Variants in KLK15 observed in about 807,000 individuals in gnomAD.
The protein encoded by KLK15 is kallikrein related peptidase 15, also known as kallikrein-15.
Under a neutral mutation model 21.1 loss-of-function variants are expected in KLK15, and 19 were observed. The ratio of observed to expected loss-of-function variants is 0.90; its 90% CI spans 0.63 to 1.32. The LOEUF (loss-of-function observed/expected upper bound fraction) is 1.32, where lower values mean the gene tolerates loss of function less well. Ranked by LOEUF, KLK15 falls within the 40% of genes most tolerant of loss-of-function variation. The pLI is 0.00. For missense variants in KLK15, 345 were observed against 348.6 expected (o/e 0.99, Z 0.08); for synonymous variants, 141 against 141.5 (o/e 1.00, Z 0.03).
chr19:50,831,958 C>T (rs1419593069), upstream of KLK15, among the ~76,000 whole-genome samples: 1 of 151,938 alleles, frequency 6.6e-6, no homozygotes, highest in Non-Finnish European at 1.5e-5. Flanking sequence ...ACTACAGGCG[C>T]CCACCACCGT....
At chr19:50,827,942 T>TA in intron 1 of KLK15, 127 bp from the exon 3 acceptor site, 2 of 701,348 alleles carry the variant, frequency 2.9e-6, no homozygotes, top group Non-Finnish European at 4.1e-6. Flanking sequence ...CACCCTGCCC[T>TA]GTTTTTGTTT....
intron 4 of KLK15, chr19:50,826,410 A>C: frequency 1.9e-6 from 1 of 529,050 alleles, no homozygotes; most frequent in Non-Finnish European, 3.2e-6. Flanking sequence ...ATCTCAAACT[A>C]ACTATCACAT....
chr19:50,827,109 C>T lies in KLK15; in HGVS notation c.250G>A (p.Glu84Lys), dbSNP rs1047375369. 6 of 1,604,154 alleles carry T rather than the reference C, an allele frequency of 3.7e-6. No homozygotes were observed. The African/African-American group carries it at 8.0e-5, about 21-fold the overall frequency. Residue 84 changes from glutamate to lysine, a missense_variant, in exon 3 of 5, where the codon GAG becomes AAG. Physicochemically the swap from Glu to Lys is moderately conservative, Grantham distance 56. Coordinates refer to ENST00000598239, the Ensembl canonical transcript of KLK15. ...ACCCGAGACGTGGTCCGTAGTTGCT[C>T]TGGGCCATCGCGCTTGCGCAGGTTG...
chr19:50,831,849 T>A (rs2089992476), upstream of KLK15, among the ~76,000 whole-genome samples: 2 of 151,590 alleles, frequency 1.3e-5, no homozygotes, highest in South Asian at 4.2e-4. Context: ...TCTCACTCTG[T>A]CACCCAGGCT....
chr19:50,833,070 G>T (rs933468201), upstream of KLK15: 10 of 152,282 alleles, frequency 6.6e-5, no homozygotes, highest in African/African-American at 2.4e-4. Context: ...CACCCATTCT[G>T]TCTCCATTAC....
Position 50,826,873 on chromosome 19 carries a change from C to G in KLK15, c.481+5G>C. On this transcript the variant is annotated splice_donor_5th_base_variant and intron_variant, in intron 3 of 4. Transcript: ENST00000598239. ...CCTCGCATCCAGCTCCATCCTTTCA[C>G]GCACCTTGTGACCGGGGGCTCCCAG... is the stretch of plus-strand genomic sequence containing the variant. 4 of 1,558,592 alleles carry G rather than the reference C, an allele frequency of 2.6e-6. No homozygotes were observed. The highest frequency in any genetic ancestry group is 4.5e-5 in the East Asian group (2 of 44,416).
upstream of KLK15, among the ~76,000 whole-genome samples, chr19:50,833,351 C>A (rs546634360): frequency 2.4e-4 from 37 of 152,278 alleles, no homozygotes; most frequent in African/African-American, 8.7e-4. Flanking sequence ...CTCCTTCTGG[C>A]CATTCCAGGA....
intron 1 of KLK15, among the ~76,000 whole-genome samples, chr19:50,828,837 C>T (rs2089929118): frequency 1.3e-5 from 2 of 151,028 alleles, no homozygotes; most frequent in East Asian, 1.9e-4. Context: ...GGCATGGTGG[C>T]GGGTGCCTGT....
At chr19:50,827,749 ACTT>A (rs750508410) in exon 2 of KLK15, 1 of 1,611,246 alleles carries the variant, frequency 6.2e-7, no homozygotes, top group Non-Finnish European at 8.5e-7. Flanking sequence ...GTAGAGAGCC[ACTT>A]GCCATGGCTG....
chr19:50,829,110 C>T (rs2089938858), intron 1 of KLK15, among the ~76,000 whole-genome samples: 1 of 151,092 alleles, frequency 6.6e-6, no homozygotes, highest in Non-Finnish European at 1.5e-5. Context: ...ATTGTTCAGA[C>T]CTAAATTCAA....
exon 5 of KLK15, chr19:50,825,848 G>A: frequency 6.2e-7 from 1 of 1,613,996 alleles, no homozygotes. Flanking sequence ...GCAGACTTTG[G>A]TATAGACACC....
chr19:50,826,206 CTAAGT>C (rs1467151552), intron 4 of KLK15: 3 of 502,216 alleles, frequency 6.0e-6, no homozygotes, highest in African/African-American at 3.9e-5. Context: ...TGCAACTGTA[CTAAGT>C]TAAATCCAAC....
chr19:50,827,200 G>A lies in KLK15; in HGVS notation c.198-39C>T, dbSNP rs2089900508. 1.9e-6 allele frequency: 3 copies of A among 1,541,004 alleles called. No homozygotes were observed. The South Asian group carries it at 3.7e-5, about 19-fold the overall frequency. ...TGGTTTTCCCGCCAGTGGAGTGCGG[G>A]CCAGTGGTTACCCGCAAGTAGAGGA... On this transcript the variant is annotated intron_variant, in intron 2 of 4. Coordinates refer to ENST00000598239, the Ensembl canonical transcript of KLK15.
chr19:50,827,078 G>T (rs1568483976), exon 3 of KLK15: 1 of 1,606,314 alleles, frequency 6.2e-7, no homozygotes, highest in Admixed American at 1.7e-5. Flanking sequence ...GCGCGGGTGT[G>T]GAATGACCCG....
Position 50,827,259 on chromosome 19 carries a change from C to G in KLK15, c.198-98G>C, listed in dbSNP as rs113313671. On this transcript the variant is annotated intron_variant, in intron 2 of 4. Coordinates refer to ENST00000598239, the Ensembl canonical transcript of KLK15. Reference sequence around the variant, plus strand: ...TCAAAGAGTGGGCAACCCGAGGTCTCCCGACCCTTTAGAAATCTCGACATC... The same window carrying G: ...TCAAAGAGTGGGCAACCCGAGGTCTGCCGACCCTTTAGAAATCTCGACATC... 4.6e-3 allele frequency: 5,389 copies of G among 1,179,618 alleles called. 235 individuals carry two copies. In the African/African-American group the frequency reaches 0.071, roughly 16 times the overall value. 73.1% of individuals were successfully genotyped at this position (1,179,618 alleles called of 1,614,324 possible).
At chr19:50,832,911 G>A (rs754189217), upstream of KLK15, among the ~76,000 whole-genome samples, 5 of 152,152 alleles carry the variant, frequency 3.3e-5, no homozygotes, top group African/African-American at 7.2e-5. Context: ...TGCAGGGCCC[G>A]ACCCACGGGA....
At chr19:50,830,063 G>C (rs2089954947) in intron 1 of KLK15, among the ~76,000 whole-genome samples, 1 of 151,458 alleles carries the variant, frequency 6.6e-6, no homozygotes, top group African/African-American at 2.4e-5. Flanking sequence ...CAGATCTGTG[G>C]AGTCACTGAT....
upstream of KLK15, chr19:50,831,640 C>A (rs963190188): frequency 1.9e-6 from 1 of 528,920 alleles, no homozygotes; most frequent in Non-Finnish European, 3.1e-6. Context: ...CCACCGGTAT[C>A]CCCTTCCCCC....
At chr19:50,827,270 A>C in intron 2 of KLK15, 109 bp from the exon 4 acceptor site, 1 of 1,095,340 alleles carries the variant, frequency 9.1e-7, no homozygotes, top group Non-Finnish European at 1.3e-6. Flanking sequence ...CCGACCCTTT[A>C]GAAATCTCGA....
Sources: gnomAD v4.1 joint callset for allele counts (sites outside exome capture counted in the v4.1 genomes callset) on GRCh38, gnomAD v4.1.1 for gene constraint, MANE v1.5 for transcripts, NCBI Gene and HGNC (gene_info 2026-07-23, HGNC 2026-07-21) for gene names.